The following NSF variants were observed in gnomAD, a reference collection of about 807,000 sequenced individuals.
The protein encoded by NSF is N-ethylmaleimide sensitive factor, vesicle fusing ATPase.
Under a neutral mutation model 50.3 loss-of-function variants are expected in NSF, and 14 were observed. That is an observed-to-expected ratio of 0.28 (90% CI 0.18 to 0.44). The LOEUF is 0.44. Ranked by LOEUF, NSF falls within the 20% of genes least tolerant of loss-of-function variation. NSF has a pLI of 1.00. For synonymous variants in NSF, 109 were observed against 175.7 expected (o/e 0.62, Z 3.00); for missense variants, 218 against 504.3 (o/e 0.43, Z 5.44).
intron 11 of NSF, 84 bp from the exon 12 acceptor site, chr17:46,694,391 T>C: frequency 8.8e-7 from 1 of 1,138,334 alleles, no homozygotes; most frequent in Non-Finnish European, 1.2e-6. Context: ...TGTCTCAAAA[T>C]AATAGTAATA....
At chr17:46,710,368 T>C (rs2058707443) in intron 13 of NSF, among the ~76,000 whole-genome samples, 2 of 152,200 alleles carry the variant, frequency 1.3e-5, no homozygotes, top group African/African-American at 4.8e-5. Context: ...CAAATAGAAT[T>C]ATTATCTGAA....
chr17:46,733,079 G>A (rs1032431577), intron 17 of NSF, among the ~76,000 whole-genome samples: 9 of 152,216 alleles, frequency 5.9e-5, no homozygotes, highest in Admixed American at 2.6e-4. Flanking sequence ...GTTAGGAAAT[G>A]TCCGGCTTAG....
intron 17 of NSF, among the ~76,000 whole-genome samples, chr17:46,747,674 G>A (rs1312309022): frequency 6.6e-6 from 1 of 152,188 alleles, no homozygotes; most frequent in Admixed American, 6.5e-5. Flanking sequence ...TGAAAAATAA[G>A]TTAGTGTAAA....
intron 17 of NSF, among the ~76,000 whole-genome samples, chr17:46,734,828 A>G (rs1226448371): frequency 6.6e-6 from 1 of 152,186 alleles, no homozygotes. Flanking sequence ...AGGCCAAGGC[A>G]GGAAGATTGC....
At chr17:46,679,840 A>G (rs2058437189) in intron 9 of NSF, among the ~76,000 whole-genome samples, 4 of 151,816 alleles carry the variant, frequency 2.6e-5, no homozygotes, top group Admixed American at 2.6e-4. Flanking sequence ...AAGGCAAGAA[A>G]GAAATAACAA....
At chr17:46,734,928 G>A (rs1223237927) in intron 17 of NSF, among the ~76,000 whole-genome samples, 2 of 152,098 alleles carry the variant, frequency 1.3e-5, no homozygotes, top group Non-Finnish European at 2.9e-5. Context: ...GTGAGCATCC[G>A]TAGACCCAGC....
At chr17:46,738,849 C>T (rs951386841) in intron 17 of NSF, among the ~76,000 whole-genome samples, 2 of 152,288 alleles carry the variant, frequency 1.3e-5, no homozygotes, top group African/African-American at 4.8e-5. Flanking sequence ...CGCCTATAAT[C>T]CCAGCACTTT....
intron 17 of NSF, among the ~76,000 whole-genome samples, chr17:46,730,999 C>T (rs1269638814): frequency 1.3e-5 from 2 of 152,114 alleles, no homozygotes; most frequent in African/African-American, 4.8e-5. Flanking sequence ...ATAGAGTTAC[C>T]ATATAACCCA....
intron 13 of NSF, 72 bp from the exon 14 acceptor site, chr17:46,710,891 A>G: frequency 8.0e-6 from 11 of 1,382,198 alleles, no homozygotes; most frequent in African/African-American, 1.5e-5. Context: ...TGTACGGATT[A>G]TAACTCGTCT....
intron 1 of NSF, among the ~76,000 whole-genome samples, chr17:46,610,007 C>CTT (rs769834827): frequency 7.7e-5 from 9 of 117,038 alleles, no homozygotes; most frequent in East Asian, 2.1e-4. Flanking sequence ...CTTTCTTTCT[C>CTT]TCTTTCTTTC....
chr17:46,709,330 G>T (rs2058694385), intron 13 of NSF, among the ~76,000 whole-genome samples: 1 of 151,820 alleles, frequency 6.6e-6, no homozygotes, highest in Non-Finnish European at 1.5e-5. Context: ...TATTCCAAGG[G>T]TCTGGAGGAT....
At chr17:46,727,450 G>T (rs952286081) in intron 16 of NSF, among the ~76,000 whole-genome samples, 5 of 152,188 alleles carry the variant, frequency 3.3e-5, no homozygotes, top group African/African-American at 1.2e-4. Context: ...CCCAGTGTCT[G>T]AATAATCCCT....
intron 13 of NSF, among the ~76,000 whole-genome samples, chr17:46,707,536 C>CT (rs1356477317): frequency 2.0e-5 from 3 of 152,022 alleles, no homozygotes; most frequent in Non-Finnish European, 4.4e-5. Flanking sequence ...AATAATAACT[C>CT]TTTTTTCCCT....
chr17:46,684,680 G>C lies in NSF; in HGVS notation c.946-8223G>C, dbSNP rs1454801145. ...GATTCCCTATTTAATAAATGGTGTT[G>C]GGAAAACTGGCTAGCCATATGCAGA... On this transcript the variant is annotated intron_variant, in intron 9 of 20. Coordinates refer to ENST00000398238, the MANE Select transcript of NSF (RefSeq NM_006178.4). Among the ~76,000 whole-genome samples the C allele has an allele frequency of 1.2e-3, 174 of 150,598 alleles. 2 individuals carry two copies. The highest frequency in any genetic ancestry group is 3.0e-4 in the Non-Finnish European group (20 of 67,662).
At chr17:46,744,262 A>C (rs1285311107) in intron 17 of NSF, among the ~76,000 whole-genome samples, 2 of 152,260 alleles carry the variant, frequency 1.3e-5, no homozygotes, top group African/African-American at 4.8e-5. Flanking sequence ...TTAATGCTCC[A>C]ATTGGCTAAT....
At chr17:46,723,697 C>T (rs1377263195) in intron 15 of NSF, among the ~76,000 whole-genome samples, 1 of 152,180 alleles carries the variant, frequency 6.6e-6, no homozygotes, top group Non-Finnish European at 1.5e-5. Context: ...TTCATCACCA[C>T]ACCCATTCAT....
chr17:46,707,002 C>T (rs2058663308), intron 13 of NSF, among the ~76,000 whole-genome samples: 1 of 148,730 alleles, frequency 6.7e-6, no homozygotes, highest in Admixed American at 6.7e-5. Flanking sequence ...AGGTGCTTGC[C>T]ACCATGCTTG....
At chr17:46,687,342 G>A (rs1166554693) in intron 9 of NSF, among the ~76,000 whole-genome samples, 2 of 149,162 alleles carry the variant, frequency 1.3e-5, no homozygotes, top group Non-Finnish European at 3.0e-5. Context: ...CTATTTGGAG[G>A]CCTTTCCAAA....
intron 1 of NSF, among the ~76,000 whole-genome samples, chr17:46,621,221 A>G (rs2058063082): frequency 6.7e-6 from 1 of 150,002 alleles, no homozygotes. Flanking sequence ...AATTGCAGCA[A>G]TAGTTTACCT....
Sources: allele counts gnomAD v4.1 joint callset (sites outside exome capture counted in the v4.1 genomes callset), GRCh38; gene constraint gnomAD v4.1.1; transcripts MANE v1.5; gene names NCBI Gene and HGNC (gene_info 2026-07-23, HGNC 2026-07-21).